The following C16orf74 variants were observed in gnomAD, a reference collection of about 807,000 sequenced individuals.
The protein encoded by C16orf74 is uncharacterized protein C16orf74.
Under a neutral mutation model 6.5 loss-of-function variants are expected in C16orf74, and 10 were observed. The observed-to-expected ratio is 1.54, with a 90% CI of 0.95 to 2.61. The LOEUF is 2.61. Ranked by LOEUF, C16orf74 falls within the 30% of genes most tolerant of loss-of-function variation. The pLI, the probability that C16orf74 is intolerant of heterozygous loss-of-function variation, is 0.00. For missense variants in C16orf74, 141 were observed against 105.9 expected, an observed-to-expected ratio of 1.33 and a Z score of -1.45; for synonymous variants, 60 against 42.5, an observed-to-expected ratio of 1.41 and a Z score of -1.60.
chr16:85,714,059 G>A (rs61053729), intron 2 of C16orf74, among the ~76,000 whole-genome samples: 4,010 of 152,266 alleles, frequency 0.026, 201 homozygotes, highest in African/African-American at 0.092. Flanking sequence ...GGTGGTGGAA[G>A]GGTGGGTGGT....
chr16:85,745,649 G>C (rs894750525), intron 1 of C16orf74, among the ~76,000 whole-genome samples: 7 of 149,496 alleles, frequency 4.7e-5, no homozygotes, highest in African/African-American at 1.7e-4. Flanking sequence ...GCTGGCTGGA[G>C]GGACCCTGCT....
rs372115862 is a variant in C16orf74 at position 85,708,023 on chromosome 16, G to T, written c.216C>A (p.Ile72=). ...ETGSCPDDGE[I]DPEA ...GGACACCTCCTCAGGCTTCTGGGTC[G>T]ATTTCTCCATCATCTGGGCACGACC... The change falls in exon 4 of 4, where the codon ATC becomes ATA. Residue 72 remains isoleucine (I), a synonymous_variant. Transcript: ENST00000284245. 4 of 1,553,126 alleles carry T rather than the reference G, an allele frequency of 2.6e-6. No individual in the cohort carries two copies. The highest frequency in any genetic ancestry group is 3.9e-5 in the Admixed American group (2 of 51,196).
chr16:85,731,246 G>A (rs2054184229), intron 2 of C16orf74, among the ~76,000 whole-genome samples: 1 of 152,250 alleles, frequency 6.6e-6, no homozygotes, highest in South Asian at 2.1e-4. Context: ...TGTGTAATTT[G>A]TGGGGCTCAG....
rs556201630 is a variant in C16orf74, at chr16:85,713,026, A to C, written c.29-2719T>G. 2.7e-3 allele frequency among the ~76,000 whole-genome samples: 410 copies of C among 152,252 alleles called. 4 individuals carry two copies. The highest frequency in any genetic ancestry group is 9.4e-3 in the African/African-American group (389 of 41,526). ...TCTCCTGGGGTTGCCACAACAAAGC[A>C]CCGTCAACCAGGCGGCTGGAACAAT... On this transcript the variant is annotated intron_variant, in intron 2 of 3. Transcript: ENST00000284245.
chr16:85,728,149 TATAA>T (rs1229467212), intron 2 of C16orf74, among the ~76,000 whole-genome samples: 1 of 151,794 alleles, frequency 6.6e-6, no homozygotes, highest in Non-Finnish European at 1.5e-5. Context: ...GTCTCAAAAA[TATAA>T]ATAAATAAGC....
intron 1 of C16orf74, among the ~76,000 whole-genome samples, chr16:85,744,911 G>A (rs1046874876): frequency 4.3e-4 from 65 of 151,476 alleles, no homozygotes; most frequent in African/African-American, 1.6e-3. Flanking sequence ...GGAGGCCGAG[G>A]TGGGCGGATC....
chr16:85,748,337 C>T (rs112207663), intron 1 of C16orf74, among the ~76,000 whole-genome samples: 11 of 151,758 alleles, frequency 7.2e-5, no homozygotes, highest in Non-Finnish European at 1.5e-4. Context: ...CAGTGGCTCA[C>T]GCCTGTAATT....
At chr16:85,737,434 G>T (rs776741737) in intron 1 of C16orf74, among the ~76,000 whole-genome samples, 3 of 152,148 alleles carry the variant, frequency 2.0e-5, no homozygotes, top group Non-Finnish European at 4.4e-5. Flanking sequence ...TAGGTAACTC[G>T]CACCTGTCAT....
At chr16:85,743,004 T>C (rs2054327152) in intron 1 of C16orf74, among the ~76,000 whole-genome samples, 1 of 152,200 alleles carries the variant, frequency 6.6e-6, no homozygotes, top group African/African-American at 2.4e-5. Context: ...ATCAGTGTGA[T>C]TGCCACTAGG....
At chr16:85,737,148 T>C (rs2054253857) in intron 1 of C16orf74, among the ~76,000 whole-genome samples, 1 of 151,932 alleles carries the variant, frequency 6.6e-6, no homozygotes, top group African/African-American at 2.4e-5. Context: ...AGAGGAGAAG[T>C]CCGAACAATG....
chr16:85,707,789 A>G lies in C16orf74; in HGVS notation c.*219T>C. On this transcript the variant is annotated 3_prime_UTR_variant, in exon 4 of 4. Coordinates refer to ENST00000284245, the MANE Select transcript of C16orf74 (RefSeq NM_206967.3). ...GAGTCAGCAAGAACCTGGAGGTGTC[A>G]GAGGTCCGGTCCACTCAGCGGGGCC... is the stretch of plus-strand genomic sequence containing the variant. 5.3e-6 allele frequency: 3 copies of G among 563,606 alleles called. No homozygotes were observed. In the South Asian group the frequency reaches 6.4e-5, roughly 12 times the overall value. The allele number at this position is 563,606 out of a possible 1,614,324, so 34.9% of individuals were successfully genotyped here.
At chr16:85,713,029 G>A (rs779869122) in intron 2 of C16orf74, among the ~76,000 whole-genome samples, 5 of 152,136 alleles carry the variant, frequency 3.3e-5, no homozygotes, top group African/African-American at 7.2e-5. Context: ...ACAAAGCACC[G>A]TCAACCAGGC....
At chr16:85,750,766 G>C (rs967346123) in intron 1 of C16orf74, among the ~76,000 whole-genome samples, 160 bp downstream of exon 1, 7 of 152,142 alleles carry the variant, frequency 4.6e-5, no homozygotes, top group African/African-American at 1.7e-4. Flanking sequence ...AAGTTGGGGG[G>C]ACGCCCGGGC....
chr16:85,733,602 T>A (rs1459420774), intron 2 of C16orf74, among the ~76,000 whole-genome samples: 1 of 152,232 alleles, frequency 6.6e-6, no homozygotes, highest in East Asian at 1.9e-4. Flanking sequence ...GCCTACTTTG[T>A]GACAGGCACT....
In C16orf74 at chr16:85,710,104, A is replaced by G; in HGVS notation, c.172+60T>C. On this transcript the variant is annotated intron_variant, in intron 3 of 3. Coordinates refer to ENST00000284245, the MANE Select transcript of C16orf74 (RefSeq NM_206967.3). ...CGTGGCCAGGAAGGACGCCCCTGAGAGCTGTCTCCACCGGGCCCCCACAGC... is the reference window on the plus strand; with the variant it reads ...CGTGGCCAGGAAGGACGCCCCTGAGGGCTGTCTCCACCGGGCCCCCACAGC... 2.2e-6 allele frequency: 3 copies of G among 1,344,744 alleles called. No homozygotes were observed. The South Asian group carries it at 5.5e-5, about 25-fold the overall frequency. The allele number at this position is 1,344,744 out of a possible 1,614,324, so 83.3% of individuals were successfully genotyped here.
chr16:85,723,280 A>G lies in C16orf74; in HGVS notation c.28+11910T>C, dbSNP rs893735191. On this transcript the variant is annotated intron_variant, in intron 2 of 3. Transcript: ENST00000284245. The stretch of plus-strand genomic sequence containing the variant: ...ATCTCAAAAAAAAAAAAAAAAAAAA[A>G]GGCCAGGTGCAGTGGCACATGCCTG... Among the ~76,000 whole-genome samples, 75 of 137,664 alleles carry G rather than the reference A, an allele frequency of 5.4e-4. 1 individual carries two copies. The highest frequency in any genetic ancestry group is 1.8e-3 in the African/African-American group (68 of 37,698). The allele number at this position is 137,664 out of a possible 152,430, so 90.3% of individuals were successfully genotyped here.
chr16:85,734,393 G>A (rs138305914), intron 2 of C16orf74, among the ~76,000 whole-genome samples: 2 of 152,284 alleles, frequency 1.3e-5, no homozygotes, highest in East Asian at 3.9e-4. Context: ...GCTTGGCTCA[G>A]CTCCCAACCA....
intron 2 of C16orf74, among the ~76,000 whole-genome samples, chr16:85,729,623 T>G (rs957196957): frequency 6.6e-6 from 1 of 152,210 alleles, no homozygotes; most frequent in Non-Finnish European, 1.5e-5. Context: ...ATGAGGTCTT[T>G]GCCGATGTAA....
chr16:85,724,010 T>C (rs569119360), intron 2 of C16orf74, among the ~76,000 whole-genome samples: 41 of 152,288 alleles, frequency 2.7e-4, no homozygotes, highest in Admixed American at 2.0e-3. Flanking sequence ...CGATTTTTTT[T>C]TTCTTTTTTT....
Sources: gnomAD v4.1 joint callset for allele counts (sites outside exome capture counted in the v4.1 genomes callset) on GRCh38, gnomAD v4.1.1 for gene constraint, MANE v1.5 for transcripts, NCBI Gene and HGNC (gene_info 2026-07-23, HGNC 2026-07-21) for gene names.